Variants in UBAP2L observed in about 807,000 individuals in gnomAD.
The protein encoded by UBAP2L is ubiquitin associated protein 2 like.
Under a neutral mutation model 130.6 loss-of-function variants are expected in UBAP2L, and 12 were observed. The observed-to-expected ratio is 0.09, with a 90% CI of 0.06 to 0.15. UBAP2L has a LOEUF of 0.15. UBAP2L is among the 10% of genes least tolerant of loss of function. The pLI is 1.00. For missense variants in UBAP2L, 965 were observed against 1,332.5 expected (o/e 0.72, Z 4.29); for synonymous variants, 503 against 524.7 (o/e 0.96, Z 0.57).
In UBAP2L at chr1:154,259,135, T is replaced by A. The variant is rs1057455921; in HGVS notation, c.2496+105T>A. 4 of 1,016,210 alleles carry A rather than the reference T, an allele frequency of 3.9e-6. No homozygotes were observed. In the African/African-American group the frequency reaches 6.4e-5, roughly 16 times the overall value. The allele number at this position is 1,016,210 out of a possible 1,614,324, so 62.9% of individuals were successfully genotyped here. ...AGCTCTTTCCCATCCCAGCCCTCCA[T>A]ACACTCTGATTTAAGGCATATTAGA... On this transcript the variant is annotated intron_variant, in intron 21 of 26. Transcript: ENST00000428931.
At chr1:154,234,411 T>G (rs1670947499) in intron 4 of UBAP2L, among the ~76,000 whole-genome samples, 180 bp from the exon 5 acceptor site, 1 of 151,972 alleles carries the variant, frequency 6.6e-6, no homozygotes, top group Non-Finnish European at 1.5e-5. Flanking sequence ...TAAAGGACTT[T>G]ACTTTTTGTA....
intron 14 of UBAP2L, 85 bp from the exon 15 acceptor site, chr1:154,253,815 C>G (rs1678721103): frequency 1.5e-6 from 2 of 1,343,472 alleles, no homozygotes; most frequent in African/African-American, 1.5e-5. Context: ...CAAGTTATTC[C>G]ACTAGTAGAT....
At chr1:154,256,290 A>G (rs1381610920) in intron 18 of UBAP2L, among the ~76,000 whole-genome samples, 1 of 152,154 alleles carries the variant, frequency 6.6e-6, no homozygotes, top group Admixed American at 6.5e-5. Flanking sequence ...GGGAGGTATG[A>G]GGGCTAAGGC....
chr1:154,259,933 TC>T lies in UBAP2L; in HGVS notation c.2497-11del. ...GTGACATTGAATCTCTGCTCTTTTT[TC>T]CCCTCTTTTCTAGGATTACTACAGC... is the stretch of plus-strand genomic sequence containing the variant. On this transcript the variant is annotated splice_polypyrimidine_tract_variant and intron_variant, in intron 21 of 26. Coordinates refer to ENST00000428931, the MANE Select transcript of UBAP2L (RefSeq NM_014847.4). 1 of 1,612,332 alleles carries T rather than the reference TC, an allele frequency of 6.2e-7. No individual in the cohort carries two copies. Among genetic ancestry groups the T allele is most frequent in the Non-Finnish European group, 8.5e-7 (1 of 1,178,374 alleles).
At chr1:154,223,230 G>C (rs781633150) in intron 1 of UBAP2L, among the ~76,000 whole-genome samples, 8 of 152,140 alleles carry the variant, frequency 5.3e-5, no homozygotes, top group Non-Finnish European at 1.2e-4. Flanking sequence ...CTTTCAAGAT[G>C]ACTTTTTAAT....
intron 25 of UBAP2L, among the ~76,000 whole-genome samples, chr1:154,267,880 CTTTTTTTTT>C (rs869153080): frequency 1.1e-3 from 59 of 52,054 alleles, no homozygotes; most frequent in East Asian, 2.9e-3. Context: ...CTTATTTGGT[CTTTTTTTTT>C]TTTTTTTTTT....
chr1:154,234,282 G>T (rs2148620158), intron 4 of UBAP2L, among the ~76,000 whole-genome samples: 2 of 152,208 alleles, frequency 1.3e-5, no homozygotes, highest in South Asian at 2.1e-4. Context: ...AGAATCGCTT[G>T]AACCTGGGAG....
At position 154,270,291 on chromosome 1, in the gene UBAP2L, A is replaced by G; in HGVS notation, c.3260A>G (p.Asn1087Ser). The change falls in exon 27 of 27, where the codon AAC (asparagine) becomes AGC (serine). Residue 1087 changes from asparagine to serine, a missense_variant. Transcript: ENST00000428931. ...TACAACAGCTACAGCTGGGGGGCCA[A>G]CTGAGGCCCTGACCCTCTTCTCCCG... ...SAYNSYSWGA[N>S] is the part of the protein sequence containing the mutation. The G allele has an allele frequency of 6.2e-7, 1 of 1,613,998 alleles. No individual in the cohort carries two copies. Among genetic ancestry groups the G allele is most frequent in the Non-Finnish European group, 8.5e-7 (1 of 1,179,954 alleles).
intron 4 of UBAP2L, among the ~76,000 whole-genome samples, chr1:154,232,464 T>C (rs1197483209): frequency 6.6e-6 from 1 of 152,198 alleles, no homozygotes; most frequent in African/African-American, 2.4e-5. Flanking sequence ...CTCATTTTCC[T>C]GAGGAAGAGT....
At chr1:154,264,304 T>G (rs1212607866) in intron 24 of UBAP2L, among the ~76,000 whole-genome samples, 1 of 152,174 alleles carries the variant, frequency 6.6e-6, no homozygotes, top group East Asian at 1.9e-4. Flanking sequence ...GCTGCCATGG[T>G]GGGAGAGATA....
chr1:154,257,699 AAAAT>A (rs1680100092), intron 20 of UBAP2L: 1 of 446,746 alleles, frequency 2.2e-6, no homozygotes, highest in African/African-American at 2.0e-5. Context: ...ATTAAAATAT[AAAAT>A]AAATGAGGGA....
At chr1:154,266,983 A>G (rs1444479156) in intron 25 of UBAP2L, among the ~76,000 whole-genome samples, 1 of 152,120 alleles carries the variant, frequency 6.6e-6, no homozygotes, top group African/African-American at 2.4e-5. Context: ...TAACTAATGA[A>G]GCATTTGAGT....
chr1:154,263,331 C>G (rs940781419), intron 24 of UBAP2L: 5 of 1,424,544 alleles, frequency 3.5e-6, no homozygotes, highest in Admixed American at 6.1e-5. Context: ...CCCCATTTCC[C>G]TCTCCCCCAT....
intron 25 of UBAP2L, 46 bp from the exon 26 acceptor site, chr1:154,268,711 G>C: frequency 6.3e-7 from 1 of 1,597,776 alleles, no homozygotes; most frequent in Non-Finnish European, 8.6e-7. Context: ...CCCAAGACTA[G>C]TTTGCTGATC....
chr1:154,234,822 C>T (rs750741717), intron 5 of UBAP2L, 63 bp downstream of exon 5: 2 of 1,545,524 alleles, frequency 1.3e-6, no homozygotes, highest in African/African-American at 2.7e-5. Flanking sequence ...TAGGGATGTG[C>T]CAGGGCCCTG....
At chr1:154,242,276 T>C (rs1160241294) in intron 9 of UBAP2L, among the ~76,000 whole-genome samples, 1 of 152,246 alleles carries the variant, frequency 6.6e-6, no homozygotes, top group African/African-American at 2.4e-5. Context: ...TTTTAATCTA[T>C]GTACTTTTCT....
chr1:154,249,181 G>C, intron 11 of UBAP2L, 58 bp from the exon 12 acceptor site: 1 of 1,560,362 alleles, frequency 6.4e-7, no homozygotes, highest in South Asian at 1.1e-5. Context: ...GTGTCTTTAT[G>C]AGTAGCTGAA....
chr1:154,220,630 C>T (rs1267444119), upstream of UBAP2L: 2 of 591,348 alleles, frequency 3.4e-6, no homozygotes, highest in Middle Eastern at 4.5e-4. Flanking sequence ...GTGACTCAGG[C>T]AGGCAATGGC....
chr1:154,255,557 A>C, intron 17 of UBAP2L, 126 bp from the exon 18 acceptor site: 2 of 1,241,970 alleles, frequency 1.6e-6, no homozygotes, highest in South Asian at 2.5e-5. Flanking sequence ...ATTGTGCTTA[A>C]CATATGATCT....
Sources: gnomAD v4.1 joint callset for allele counts (sites outside exome capture counted in the v4.1 genomes callset) on GRCh38, gnomAD v4.1.1 for gene constraint, MANE v1.5 for transcripts, NCBI Gene and HGNC (gene_info 2026-07-23, HGNC 2026-07-21) for gene names.